Variants in ASCC3 observed in about 807,000 individuals in gnomAD.
The protein encoded by ASCC3 is activating signal cointegrator 1 complex subunit 3.
ASCC3 carries 158 observed loss-of-function variants against 256.3 expected under a neutral mutation model. The ratio of observed to expected loss-of-function variants is 0.62; its 90% CI spans 0.54 to 0.70. The LOEUF is 0.70. ASCC3 is among the 30% of genes least tolerant of loss of function. ASCC3 has a pLI of 0.00. For missense variants in ASCC3, 2,259 were observed against 2,626.0 expected (o/e 0.86, Z 3.05); for synonymous variants, 948 against 883.4 (o/e 1.07, Z -1.30).
intron 4 of ASCC3, among the ~76,000 whole-genome samples, chr6:100,837,702 T>A (rs1216277189): frequency 6.6e-6 from 1 of 151,456 alleles, no homozygotes. Flanking sequence ...AAGGAGAGAG[T>A]ACAATAGTGA....
chr6:100,678,692 A>AT (rs1347290937), intron 14 of ASCC3, among the ~76,000 whole-genome samples: 1 of 152,046 alleles, frequency 6.6e-6, no homozygotes, highest in South Asian at 2.1e-4. Flanking sequence ...ATGCCAACAG[A>AT]TTTTTTATTT....
intron 36 of ASCC3, among the ~76,000 whole-genome samples, chr6:100,551,042 T>C (rs1481874151): frequency 6.6e-6 from 1 of 152,010 alleles, no homozygotes; most frequent in African/African-American, 2.4e-5. Flanking sequence ...CCTAAAATGT[T>C]AACCCAGTGA....
intron 4 of ASCC3, among the ~76,000 whole-genome samples, chr6:100,835,397 C>T (rs846785): frequency 0.71 from 107,326 of 151,970 alleles, 38,131 homozygotes; most frequent in East Asian, 0.75. Context: ...GTCTAGTAGA[C>T]TTATCATTTC....
chr6:100,650,530 ATACT>A lies in ASCC3; in HGVS notation c.3252+4_3252+7del. 6.2e-7 allele frequency: 1 copy of A among 1,612,160 alleles called. No homozygotes were observed. ...GAAGAGAAAACTGGAAGGGAATAAG[ATACT>A]TACCTGTGCAACATATGCAGAATCT... is the stretch of plus-strand genomic sequence containing the variant. On this transcript the variant is annotated splice_donor_5th_base_variant and intron_variant, in intron 20 of 41. Transcript: ENST00000369162.
chr6:100,557,040 C>G (rs1357111353), intron 36 of ASCC3, among the ~76,000 whole-genome samples: 1 of 152,046 alleles, frequency 6.6e-6, no homozygotes, highest in African/African-American at 2.4e-5. Context: ...ATGATGAACA[C>G]AAGATTTTAG....
intron 14 of ASCC3, among the ~76,000 whole-genome samples, chr6:100,673,847 T>C (rs1210695934): frequency 2.0e-5 from 3 of 152,204 alleles, no homozygotes; most frequent in Non-Finnish European, 4.4e-5. Context: ...TGCCTAGCCC[T>C]CCATGCACCT....
At chr6:100,687,032 T>TCACACACACACG (rs1305315395) in intron 13 of ASCC3, among the ~76,000 whole-genome samples, 1 of 132,090 alleles carries the variant, frequency 7.6e-6, no homozygotes, top group Admixed American at 7.9e-5. Context: ...TCTCTCTCTC[T>TCACACACACACG]CTCACACACA....
intron 5 of ASCC3, 54 bp from the exon 6 acceptor site, chr6:100,800,558 C>T (rs1388042532): frequency 2.9e-6 from 4 of 1,361,272 alleles, no homozygotes; most frequent in Non-Finnish European, 4.1e-6. Flanking sequence ...TATGATTTAA[C>T]CTTCATGAAA....
rs550499733 is a variant in ASCC3, at chr6:100,851,815, C to G, written c.242-3108G>C. 7.9e-5 allele frequency among the ~76,000 whole-genome samples: 12 copies of G among 152,300 alleles called. No individual in the cohort carries two copies. In the East Asian group the frequency reaches 2.3e-3, roughly 29 times the overall value. ...CTATTTGTTAACATGGATGACTACA[C>G]AACAGAAATAATGACTACGGCATTC... is the stretch of plus-strand genomic sequence containing the variant. On this transcript the variant is annotated intron_variant, in intron 3 of 41. Coordinates refer to ENST00000369162, the MANE Select transcript of ASCC3 (RefSeq NM_006828.4).
intron 36 of ASCC3, among the ~76,000 whole-genome samples, chr6:100,552,785 T>A (rs1056667314): frequency 9.2e-5 from 14 of 151,932 alleles, no homozygotes; most frequent in Non-Finnish European, 4.4e-5. Context: ...AACCCTATAG[T>A]GTTTTTTAAT....
chr6:100,643,936 T>G, intron 23 of ASCC3, 95 bp downstream of exon 23: 1 of 811,172 alleles, frequency 1.2e-6, no homozygotes, highest in Non-Finnish European at 2.0e-6. Context: ...AAGTTTTAAT[T>G]GTACTATAAA....
At chr6:100,642,134 G>A (rs1325730547) in intron 24 of ASCC3, among the ~76,000 whole-genome samples, 1 of 151,076 alleles carries the variant, frequency 6.6e-6, no homozygotes, top group African/African-American at 2.4e-5. Flanking sequence ...TGCACATTGT[G>A]CACATGTACC....
chr6:100,642,711 G>A lies in ASCC3; in HGVS notation c.3771C>T (p.Ile1257=), dbSNP rs140551965. 42 of 1,613,556 alleles carry A rather than the reference G, an allele frequency of 2.6e-5. No individual in the cohort carries two copies. The highest frequency in any genetic ancestry group is 3.5e-5 in the Non-Finnish European group (41 of 1,179,718). Residue 1257 remains isoleucine, a synonymous_variant, in exon 24 of 42, where the codon ATC becomes ATT. Transcript: ENST00000369162. The part of the protein sequence containing the change: ...SKEAQLLVFT[I]PIFEPLPSQY... The stretch of plus-strand genomic sequence containing the variant: ...GGGAAGGCAAAGGCTCAAAAATAGG[G>A]ATTGTAAATACCAGTAGTTGGGCTT...
intron 4 of ASCC3, among the ~76,000 whole-genome samples, chr6:100,814,525 T>C (rs2114397934): frequency 6.6e-6 from 1 of 152,278 alleles, no homozygotes. Flanking sequence ...TGGTACCAGC[T>C]CTTCTTCATA....
Position 100,725,573 on chromosome 6 carries a change from A to G in ASCC3, c.1868T>C (p.Val623Ala). 1 of 1,612,810 alleles carries G rather than the reference A, an allele frequency of 6.2e-7. No homozygotes were observed. Among genetic ancestry groups the G allele is most frequent in the Non-Finnish European group, 8.5e-7 (1 of 1,179,108 alleles). The change falls in exon 11 of 42, where the codon GTA becomes GCA. Residue 623 changes from valine (V) to alanine (A), a missense_variant. Around this residue, in one of 2 missense-constraint regions of ASCC3, gnomAD observed 1,839 missense variants for 2,206.7 expected, o/e 0.83. Transcript: ENST00000369162. ...AGTACGGGCAACTATGCTTTCTAATACTGGTCCTCTATCTTCATGCAGCAA... is the reference window on the plus strand; with the variant it reads ...AGTACGGGCAACTATGCTTTCTAATGCTGGTCCTCTATCTTCATGCAGCAA... Reference protein sequence around the residue: ...VHLLHEDRGPVLESIVARTLR... With the variant: ...VHLLHEDRGPALESIVARTLR...
intron 8 of ASCC3, among the ~76,000 whole-genome samples, chr6:100,798,458 A>T (rs1769742234): frequency 6.6e-6 from 1 of 151,984 alleles, no homozygotes; most frequent in African/African-American, 2.4e-5. Flanking sequence ...CATAAGTTAA[A>T]CCAAAATCTT....
intron 39 of ASCC3, among the ~76,000 whole-genome samples, chr6:100,515,680 C>T (rs962635603): frequency 2.0e-5 from 3 of 152,022 alleles, no homozygotes; most frequent in Admixed American, 6.6e-5. Flanking sequence ...ACTTTTGAAT[C>T]TAGAAGCAAA....
chr6:100,633,045 C>A (rs562062672), intron 25 of ASCC3, among the ~76,000 whole-genome samples: 6 of 151,910 alleles, frequency 3.9e-5, no homozygotes, highest in Non-Finnish European at 8.8e-5. Flanking sequence ...AATGACAAAA[C>A]GAAAGAAAAT....
chr6:100,878,561 A>G (rs1280726161), intron 1 of ASCC3, among the ~76,000 whole-genome samples: 6 of 152,244 alleles, frequency 3.9e-5, no homozygotes, highest in Non-Finnish European at 8.8e-5. Context: ...AACGAGCACA[A>G]GAAAACGTGG....
Sources: allele counts gnomAD v4.1 joint callset (sites outside exome capture counted in the v4.1 genomes callset), GRCh38; gene constraint gnomAD v4.1.1; regional missense constraint gnomAD v4.1.1; transcripts MANE v1.5; gene names NCBI Gene and HGNC (gene_info 2026-07-23, HGNC 2026-07-21).